The following KAZN variants were observed in gnomAD, a reference collection of about 807,000 sequenced individuals.
The protein encoded by KAZN is kazrin, periplakin interacting protein.
Under a neutral mutation model 87.4 loss-of-function variants are expected in KAZN, and 40 were observed. The observed-to-expected ratio is 0.46, with a 90% CI of 0.36 to 0.60. The LOEUF (loss-of-function observed/expected upper bound fraction) is 0.60. KAZN is among the 20% of genes least tolerant of loss of function. The pLI is 0.00. For missense variants in KAZN, 898 were observed against 1,073.9 expected, an observed-to-expected ratio of 0.84 and a Z score of 2.29; for synonymous variants, 466 against 458.3, an observed-to-expected ratio of 1.02 and a Z score of -0.22.
chr1:14,998,513 A>C (rs1668133619), intron 2 of KAZN, among the ~76,000 whole-genome samples: 1 of 152,048 alleles, frequency 6.6e-6, no homozygotes, highest in Admixed American at 6.5e-5. Context: ...ATACCCTATG[A>C]TGGAGGTGCT....
At chr1:14,102,467 A>G (rs1644278787) in intron 1 of KAZN, among the ~76,000 whole-genome samples, 1 of 151,816 alleles carries the variant, frequency 6.6e-6, no homozygotes, top group Non-Finnish European at 1.5e-5. Flanking sequence ...CTGGGGAAAA[A>G]TGGGTGATCC....
At chr1:14,346,317 A>C (rs1482633427) in intron 2 of KAZN, among the ~76,000 whole-genome samples, 7 of 152,214 alleles carry the variant, frequency 4.6e-5, no homozygotes, top group Non-Finnish European at 7.3e-5. Flanking sequence ...ACCAAATTAC[A>C]GCATGCAGCT....
At chr1:14,450,895 T>C (rs1667235365) in intron 2 of KAZN, among the ~76,000 whole-genome samples, 1 of 151,952 alleles carries the variant, frequency 6.6e-6, no homozygotes. Flanking sequence ...ATGGTCGTCC[T>C]AGGTTTCTGA....
At chr1:14,051,285 A>G (rs1642315868) in intron 1 of KAZN, among the ~76,000 whole-genome samples, 1 of 151,960 alleles carries the variant, frequency 6.6e-6, no homozygotes, top group Non-Finnish European at 1.5e-5. Flanking sequence ...ATCAAGCAGG[A>G]CTCTTGCTAA....
intron 1 of KAZN, among the ~76,000 whole-genome samples, chr1:14,824,589 T>C (rs1056321801): frequency 6.6e-6 from 1 of 152,122 alleles, no homozygotes; most frequent in Non-Finnish European, 1.5e-5. Flanking sequence ...TGCTCAGAGA[T>C]TTATCTGAGG....
intron 2 of KAZN, among the ~76,000 whole-genome samples, chr1:14,317,459 G>C (rs1655731060): frequency 6.6e-6 from 1 of 151,748 alleles, no homozygotes; most frequent in African/African-American, 2.4e-5. Context: ...ATTGGTTCTT[G>C]CTTTCTAAAA....
chr1:14,680,776 A>C (rs987793615), intron 1 of KAZN, among the ~76,000 whole-genome samples: 1 of 152,096 alleles, frequency 6.6e-6, no homozygotes, highest in East Asian at 1.9e-4. Context: ...TCAGTAGTTC[A>C]TTCATTTTGT....
chr1:15,024,493 TGA>T (rs1670985355), intron 2 of KAZN, among the ~76,000 whole-genome samples: 1 of 152,158 alleles, frequency 6.6e-6, no homozygotes, highest in Non-Finnish European at 1.5e-5. Context: ...GTGAAAGATG[TGA>T]GAGAGAATTG....
intron 1 of KAZN, among the ~76,000 whole-genome samples, chr1:14,701,604 C>T (rs1353789928): frequency 6.6e-6 from 1 of 152,170 alleles, no homozygotes; most frequent in East Asian, 1.9e-4. Context: ...CCAGCCTGAG[C>T]AACATGGTAA....
intron 1 of KAZN, among the ~76,000 whole-genome samples, chr1:14,904,511 G>A (rs773090826): frequency 3.3e-5 from 5 of 152,186 alleles, no homozygotes; most frequent in Admixed American, 2.0e-4. Flanking sequence ...CAGCTTGTAA[G>A]ATGCGGGACG....
chr1:14,814,648 T>G (rs1646513092), intron 1 of KAZN, among the ~76,000 whole-genome samples: 1 of 152,198 alleles, frequency 6.6e-6, no homozygotes, highest in South Asian at 2.1e-4. Context: ...CCTGGCCCTG[T>G]TCCAGAGCAG....
At chr1:14,310,744 C>T (rs1655227160) in intron 2 of KAZN, among the ~76,000 whole-genome samples, 1 of 152,176 alleles carries the variant, frequency 6.6e-6, no homozygotes, top group South Asian at 2.1e-4. Context: ...TGCTCACTGC[C>T]ACATTTAAGA....
intron 1 of KAZN, among the ~76,000 whole-genome samples, chr1:14,143,223 T>G (rs1645277857): frequency 1.3e-5 from 2 of 152,214 alleles, no homozygotes; most frequent in Admixed American, 1.3e-4. Context: ...TTTGAAATTT[T>G]TAAACTAGCT....
chr1:15,094,814 G>T lies in KAZN; in HGVS notation c.1429-1G>T, dbSNP rs1230094519. On this transcript the variant is annotated splice_acceptor_variant, in intron 9 of 14. Transcript: ENST00000376030. LOFTEE classifies it high-confidence loss of function. This position sits in a 1 kb window ranked among gnomAD's most constrained non-coding sequence, Gnocchi z 4.5. ...CATATGACACTCCCTCCCGGGGGCA[G>T]GTGCTGCTGAGCCTGAGTGACGAGG... 1.3e-6 allele frequency: 2 copies of T among 1,547,702 alleles called. No homozygotes were observed. Among genetic ancestry groups the T allele is most frequent in the Non-Finnish European group, 1.7e-6 (2 of 1,144,488 alleles).
In KAZN at chr1:14,616,894, G is replaced by A. The variant is rs970578398; in HGVS notation, c.226+17671G>A. On this transcript the variant is annotated intron_variant, in intron 1 of 14. Coordinates refer to ENST00000376030, the MANE Select transcript of KAZN (RefSeq NM_201628.3). ...TACAGTGGTGGGTGTCCATCAAATC[G>A]CTATTAACTCCAGCCAGCTCCTAAG... Among the ~76,000 whole-genome samples, 8 of 152,160 alleles carry A rather than the reference G, an allele frequency of 5.3e-5. 1 individual carries two copies. The South Asian group carries it at 6.2e-4, about 12-fold the overall frequency.
intron 1 of KAZN, among the ~76,000 whole-genome samples, chr1:14,695,575 G>A (rs377142363): frequency 2.1e-5 from 3 of 142,754 alleles, no homozygotes; most frequent in African/African-American, 7.7e-5. Flanking sequence ...GCGCAATCTC[G>A]GCTCATTGCA....
At chr1:14,817,383 C>T (rs1012344179) in intron 1 of KAZN, among the ~76,000 whole-genome samples, 4 of 152,234 alleles carry the variant, frequency 2.6e-5, no homozygotes, top group Admixed American at 6.5e-5. Context: ...AGCTGGACTA[C>T]ATACTGCAGA....
intron 2 of KAZN, among the ~76,000 whole-genome samples, chr1:14,206,656 G>A (rs577725738): frequency 1.3e-5 from 2 of 148,992 alleles, no homozygotes; most frequent in South Asian, 4.3e-4. Context: ...TTCCTTTTAT[G>A]TATACCCAGT....
chr1:14,216,040 A>T (rs1053724829), intron 2 of KAZN, among the ~76,000 whole-genome samples: 3 of 152,194 alleles, frequency 2.0e-5, no homozygotes, highest in Admixed American at 6.5e-5. Flanking sequence ...AATATCCTCA[A>T]TTTTTTTAAA....
Sources: gnomAD v4.1 joint callset for allele counts (sites outside exome capture counted in the v4.1 genomes callset) on GRCh38, gnomAD v4.1.1 for gene constraint, Gnocchi (gnomAD v3.1) non-coding constraint, MANE v1.5 for transcripts, NCBI Gene and HGNC (gene_info 2026-07-23, HGNC 2026-07-21) for gene names.